Variants in UST observed in about 807,000 individuals in gnomAD.
UST encodes uronyl 2-sulfotransferase, also known as chondroitin sulfate 2-O-sulfotransferase.
A neutral mutation model predicts 45.6 loss-of-function variants in UST; 21 were observed. The observed-to-expected ratio is 0.46, with a 90% CI of 0.33 to 0.66. The LOEUF (loss-of-function observed/expected upper bound fraction) is 0.66. UST is among the 30% of genes least tolerant of loss of function. The probability of loss-of-function intolerance (pLI) is 0.02; values close to 1 mark genes in which losing one functional copy is unlikely to be tolerated. For synonymous variants in UST, 215 were observed against 200.6 expected (o/e 1.07, Z -0.61); for missense variants, 463 against 512.4 (o/e 0.90, Z 0.93).
chr6:148,993,956 C>CTTTTTTTTTTTTTTTTTTTTTT (rs57552256), intron 5 of UST, among the ~76,000 whole-genome samples: 2 of 95,366 alleles, frequency 2.1e-5, no homozygotes, highest in African/African-American at 4.6e-5. Flanking sequence ...TATTTCTTTC[C>CTTTTTTTTTTTTTTTTTTTTTT]TTTTTTTTTT....
At chr6:149,071,686 C>G (rs1289372007) in intron 7 of UST, among the ~76,000 whole-genome samples, 1 of 151,866 alleles carries the variant, frequency 6.6e-6, no homozygotes. Flanking sequence ...GAAAAGACAG[C>G]CTGTGGAATG....
In UST at chr6:148,854,053, G is replaced by T. The variant is rs374815252; in HGVS notation, c.248-32933G>T. 2.2e-4 allele frequency among the ~76,000 whole-genome samples: 34 copies of T among 152,288 alleles called. No individual in the cohort carries two copies. In the East Asian group the frequency reaches 2.5e-3, roughly 11 times the overall value. ...GATGAAGTCTGATAGCTAGTGTCGGGTAGTTGACAGAAAAACAAACAAAAA... is the reference window on the plus strand; with the variant it reads ...GATGAAGTCTGATAGCTAGTGTCGGTTAGTTGACAGAAAAACAAACAAAAA... On this transcript the variant is annotated intron_variant, in intron 1 of 7. Coordinates refer to ENST00000367463, the MANE Select transcript of UST (RefSeq NM_005715.3).
At chr6:149,053,023 G>A (rs1473805462) in intron 7 of UST, among the ~76,000 whole-genome samples, 5 of 152,266 alleles carry the variant, frequency 3.3e-5, no homozygotes, top group Admixed American at 6.5e-5. Flanking sequence ...ACCCTTTCCA[G>A]TTTAGTTACA....
At chr6:148,964,671 A>C in intron 5 of UST, 108 bp downstream of exon 5, 1 of 1,441,486 alleles carries the variant, frequency 6.9e-7, no homozygotes, top group Non-Finnish European at 9.4e-7. Flanking sequence ...TGGCGCCTCC[A>C]TGGAGCGTGG....
chr6:148,998,916 A>T (rs1781498267), intron 5 of UST, among the ~76,000 whole-genome samples: 1 of 152,260 alleles, frequency 6.6e-6, no homozygotes, highest in Non-Finnish European at 1.5e-5. Flanking sequence ...CACTCACAGC[A>T]GTCAGCCAGT....
intron 1 of UST, among the ~76,000 whole-genome samples, chr6:148,861,309 TGGTA>T (rs1778307814): frequency 6.6e-6 from 1 of 152,208 alleles, no homozygotes. Context: ...TATTCTCTGA[TGGTA>T]GTTTGTATTT....
At chr6:149,019,268 G>T (rs374383956) in intron 6 of UST, 32 bp downstream of exon 6, 1 of 1,554,176 alleles carries the variant, frequency 6.4e-7, no homozygotes. Context: ...TGGCATGCAC[G>T]TACGCACAAC....
chr6:149,029,465 T>TTA (rs531007096), intron 7 of UST, among the ~76,000 whole-genome samples: 14 of 145,146 alleles, frequency 9.6e-5, no homozygotes, highest in African/African-American at 2.5e-4. Flanking sequence ...ACATTATATA[T>TTA]TATATATATA....
chr6:148,914,328 A>T (rs1040846194), intron 2 of UST, among the ~76,000 whole-genome samples: 8 of 140,324 alleles, frequency 5.7e-5, no homozygotes, highest in African/African-American at 2.1e-4. Flanking sequence ...TAAATGAAAT[A>T]TGGCAGTGGT....
chr6:148,861,977 A>C (rs1778325490), intron 1 of UST, among the ~76,000 whole-genome samples: 1 of 152,110 alleles, frequency 6.6e-6, no homozygotes, highest in African/African-American at 2.4e-5. Context: ...TATTCTGTTG[A>C]TTTGGGGTGG....
intron 1 of UST, among the ~76,000 whole-genome samples, chr6:148,761,691 CCCCTGCAG>C (rs1194114365): frequency 1.3e-5 from 2 of 152,226 alleles, no homozygotes; most frequent in African/African-American, 4.8e-5. Flanking sequence ...GCCACACTCA[CCCCTGCAG>C]CCTTGCCAGC....
At chr6:149,005,979 A>G (rs540511830) in intron 5 of UST, among the ~76,000 whole-genome samples, 99 of 152,230 alleles carry the variant, frequency 6.5e-4, no homozygotes, top group Non-Finnish European at 1.3e-3. Flanking sequence ...GAGGGTCCCC[A>G]CTGTGGCCAA....
intron 5 of UST, among the ~76,000 whole-genome samples, chr6:148,987,501 C>A (rs2114988016): frequency 6.6e-6 from 1 of 152,298 alleles, no homozygotes; most frequent in African/African-American, 2.4e-5. Flanking sequence ...AAAAAAATTT[C>A]TACTGCACAT....
intron 5 of UST, among the ~76,000 whole-genome samples, chr6:149,016,773 C>T (rs948432577): frequency 4.6e-5 from 7 of 152,168 alleles, no homozygotes; most frequent in South Asian, 4.1e-4. Flanking sequence ...CACTTTACTC[C>T]GTCCTTCTTT....
intron 1 of UST, among the ~76,000 whole-genome samples, chr6:148,838,929 T>A (rs1777841648): frequency 6.6e-6 from 1 of 152,216 alleles, no homozygotes; most frequent in South Asian, 2.1e-4. Flanking sequence ...TGAATTGTTC[T>A]GAATAGGTAT....
At chr6:149,007,382 G>A (rs1775733571) in intron 5 of UST, among the ~76,000 whole-genome samples, 2 of 150,790 alleles carry the variant, frequency 1.3e-5, no homozygotes, top group South Asian at 4.2e-4. Flanking sequence ...CTGCCTTCTG[G>A]GTTCACACCA....
intron 1 of UST, among the ~76,000 whole-genome samples, chr6:148,815,545 A>G (rs1048848716): frequency 6.6e-6 from 1 of 152,206 alleles, no homozygotes; most frequent in African/African-American, 2.4e-5. Context: ...TAGATCCTCA[A>G]TAAATATTTG....
At chr6:148,978,362 C>G (rs1186823490) in intron 5 of UST, among the ~76,000 whole-genome samples, 2 of 152,096 alleles carry the variant, frequency 1.3e-5, no homozygotes, top group African/African-American at 4.8e-5. Context: ...GCTGTAAAGA[C>G]ACATGCACAT....
At chr6:149,051,384 C>T (rs148844401) in intron 7 of UST, among the ~76,000 whole-genome samples, 1 of 152,332 alleles carries the variant, frequency 6.6e-6, no homozygotes, top group East Asian at 1.9e-4. Flanking sequence ...CCATGGGCGC[C>T]TCTGCCAAGT....
Sources: gnomAD v4.1 joint callset for allele counts (sites outside exome capture counted in the v4.1 genomes callset) on GRCh38, gnomAD v4.1.1 for gene constraint, MANE v1.5 for transcripts, NCBI Gene and HGNC (gene_info 2026-07-23, HGNC 2026-07-21) for gene names.